NMRK1: variants seen among roughly 807,000 people sequenced by gnomAD.
The protein encoded by NMRK1 is NRK 1.
Under a neutral mutation model 29.9 loss-of-function variants are expected in NMRK1, and 28 were observed. That is an observed-to-expected ratio of 0.94 (90% confidence interval 0.69 to 1.28). The LOEUF is 1.28. NMRK1 is among the 50% of genes most tolerant of loss of function. The pLI is 0.00. For synonymous variants in NMRK1, 58 were observed against 73.0 expected (o/e 0.79, Z 1.05); for missense variants, 218 against 233.1 (o/e 0.94, Z 0.42).
rs371773571 is a variant in NMRK1, at chr9:75,069,800, T to C, written c.331A>G (p.Ile111Val). The C allele has an allele frequency of 4.3e-6, 7 of 1,612,938 alleles. No homozygotes were observed. The highest frequency in any genetic ancestry group is 1.6e-4 in the Middle Eastern group (1 of 6,082). The change falls in exon 6 of 9, where the codon ATA becomes GTA. Residue 111 changes from isoleucine (I) to valine (V), a missense_variant. By Grantham distance (29) the Ile-to-Val change is conservative. Coordinates refer to ENST00000361092, the MANE Select transcript of NMRK1 (RefSeq NM_017881.3). ...GTCAGGAAATAGCTTCTATTCCATA[T>C]AGTGTCAAGGGGCCTAAAATAACAG... ...LLFNYKPLDT[I>V]WNRSYFLTIP...
At chr9:75,080,611 C>T (rs1353933493) in intron 2 of NMRK1, among the ~76,000 whole-genome samples, 1 of 152,140 alleles carries the variant, frequency 6.6e-6, no homozygotes, top group African/African-American at 2.4e-5. Context: ...GAGATTGCAC[C>T]ACTGCACTCC....
At chr9:75,062,986 G>A (rs372854978) in intron 8 of NMRK1, among the ~76,000 whole-genome samples, 3 of 152,102 alleles carry the variant, frequency 2.0e-5, no homozygotes, top group South Asian at 2.1e-4. Flanking sequence ...AGCTGAGATC[G>A]TGCCACTGCA....
chr9:75,063,865 A>C (rs1823184506), intron 8 of NMRK1, among the ~76,000 whole-genome samples: 1 of 152,234 alleles, frequency 6.6e-6, no homozygotes, highest in South Asian at 2.1e-4. Context: ...AGGTTACTAG[A>C]AATAAAACAG....
intron 2 of NMRK1, among the ~76,000 whole-genome samples, chr9:75,080,998 G>T (rs1824289407): frequency 6.6e-6 from 1 of 152,042 alleles, no homozygotes; most frequent in Non-Finnish European, 1.5e-5. Context: ...TAAGCTTCAG[G>T]CATTCCTTTA....
chr9:75,070,742 G>T (rs143927852), intron 4 of NMRK1, among the ~76,000 whole-genome samples: 48 of 152,178 alleles, frequency 3.2e-4, no homozygotes, highest in Admixed American at 9.8e-4. Context: ...TTTAGTGGAA[G>T]GTTTTTAAAT....
rs971052797 is a variant in NMRK1, at chr9:75,066,466, C to T, written c.580+291G>A. Among the ~76,000 whole-genome samples the T allele has an allele frequency of 2.0e-5, 3 of 152,214 alleles. No homozygotes were observed. The South Asian group carries it at 6.2e-4, about 32-fold the overall frequency. ...TTAATTATACTGTGCCCAAAGGATA[C>T]TTCCAGTCCCATTTGGTACAGCCAT... is the stretch of plus-strand genomic sequence containing the variant. On this transcript the variant is annotated intron_variant, in intron 8 of 8. Transcript: ENST00000361092.
chr9:75,065,660 A>G (rs894277757), intron 8 of NMRK1, among the ~76,000 whole-genome samples: 2 of 152,184 alleles, frequency 1.3e-5, no homozygotes, highest in Admixed American at 1.3e-4. Context: ...TGGGGTATTC[A>G]ATTACAAGAT....
intron 1 of NMRK1, among the ~76,000 whole-genome samples, chr9:75,087,262 C>T (rs939253191): frequency 2.0e-5 from 3 of 152,098 alleles, no homozygotes; most frequent in Non-Finnish European, 2.9e-5. Context: ...CTTAGGTAAA[C>T]AGTTTTTTCT....
intron 1 of NMRK1, among the ~76,000 whole-genome samples, chr9:75,085,669 G>C (rs1232908745): frequency 1.3e-5 from 2 of 150,948 alleles, no homozygotes; most frequent in South Asian, 2.1e-4. Context: ...CAGGAACCAG[G>C]AGTAAGATGG....
chr9:75,083,687 C>T (rs1303300988), intron 1 of NMRK1, among the ~76,000 whole-genome samples: 1 of 152,122 alleles, frequency 6.6e-6, no homozygotes, highest in Non-Finnish European at 1.5e-5. Flanking sequence ...AAGCTAATGC[C>T]GTTTAAAGAC....
chr9:75,085,128 C>CAAATA (rs1824543211), intron 1 of NMRK1, among the ~76,000 whole-genome samples: 2 of 152,040 alleles, frequency 1.3e-5, no homozygotes, highest in African/African-American at 4.8e-5. Flanking sequence ...CTCACTTTAC[C>CAAATA]AAATAAAATA....
At chr9:75,086,093 C>T (rs1824612942) in intron 1 of NMRK1, among the ~76,000 whole-genome samples, 1 of 151,890 alleles carries the variant, frequency 6.6e-6, no homozygotes, top group South Asian at 2.1e-4. Context: ...AAAAAATCAC[C>T]AAGGCTGCAG....
At chr9:75,087,926 C>G (rs1340597946) in intron 1 of NMRK1, 82 bp downstream of exon 1, 1 of 153,680 alleles carries the variant, frequency 6.5e-6, no homozygotes, top group Non-Finnish European at 1.4e-5. Context: ...GTCCCGGGCT[C>G]CAGCACAGAA....
chr9:75,071,350 C>T (rs1335273513), intron 4 of NMRK1, among the ~76,000 whole-genome samples: 4 of 152,022 alleles, frequency 2.6e-5, no homozygotes, highest in Non-Finnish European at 5.9e-5. Flanking sequence ...GTTCTTTTTT[C>T]AAATCTTCTA....
rs746768105 is a variant in NMRK1 at position 75,068,999 on chromosome 9, C to A, written c.493G>T (p.Val165Phe). The change falls in exon 7 of 9, where the codon GTT becomes TTT. Residue 165 changes from valine to phenylalanine, a missense_variant. Val to Phe is a conservative substitution (Grantham distance 50). Transcript: ENST00000361092. ...RQEMQDITWE[V>F]VYLDGTKSEE... ...CAGAAGGAGAAAAGGCACTTACCAA[C>A]TTCCCATGTGATGTCCTGCATTTCT... 3 of 1,610,540 alleles carry A rather than the reference C, an allele frequency of 1.9e-6. No individual in the cohort carries two copies. Among genetic ancestry groups the A allele is most frequent in the Non-Finnish European group, 2.5e-6 (3 of 1,176,792 alleles).
intron 7 of NMRK1, among the ~76,000 whole-genome samples, chr9:75,067,917 A>G (rs1226665521): frequency 6.6e-6 from 1 of 152,194 alleles, no homozygotes; most frequent in African/African-American, 2.4e-5. Context: ...TGCCTTATCC[A>G]ACAGCCTTCT....
intron 8 of NMRK1, among the ~76,000 whole-genome samples, chr9:75,065,907 T>C (rs537137930): frequency 1.3e-5 from 2 of 152,362 alleles, no homozygotes; most frequent in East Asian, 1.9e-4. Context: ...TTGTCAAATC[T>C]TGAAAAAGAT....
intron 8 of NMRK1, 67 bp downstream of exon 8, chr9:75,066,690 C>T: frequency 1.1e-6 from 1 of 875,846 alleles, no homozygotes; most frequent in South Asian, 1.3e-5. Flanking sequence ...TCCATTCTTT[C>T]ATATGTAATG....
chr9:75,077,284 AGTCTT>A, intron 3 of NMRK1, 77 bp from the exon 4 acceptor site: 1 of 1,049,060 alleles, frequency 9.5e-7, no homozygotes, highest in Non-Finnish European at 1.4e-6. Context: ...AAAGGAGAGA[AGTCTT>A]TAATAAATGC....
Sources: gnomAD v4.1 joint callset for allele counts (sites outside exome capture counted in the v4.1 genomes callset) on GRCh38, gnomAD v4.1.1 for gene constraint, MANE v1.5 for transcripts, NCBI Gene and HGNC (gene_info 2026-07-23, HGNC 2026-07-21) for gene names.